CBR4: variants seen among roughly 807,000 people sequenced by gnomAD.
CBR4 encodes carbonyl reductase 4.
CBR4 carries 22 observed loss-of-function variants against 21.0 expected under a neutral mutation model. The observed-to-expected ratio is 1.05, with a 90% CI of 0.75 to 1.50. The LOEUF (loss-of-function observed/expected upper bound fraction) is 1.50, where lower values mean the gene tolerates loss of function less well. CBR4 is among the 40% of genes most tolerant of loss of function. The pLI, the probability that CBR4 is intolerant of heterozygous loss-of-function variation, is 0.00. For synonymous variants in CBR4, 100 were observed against 104.4 expected (o/e 0.96, Z 0.26); for missense variants, 302 against 286.3 (o/e 1.05, Z -0.40).
intron 2 of CBR4, among the ~76,000 whole-genome samples, chr4:168,901,827 T>C (rs2151291530): frequency 6.6e-6 from 1 of 152,288 alleles, no homozygotes; most frequent in East Asian, 1.9e-4. Context: ...CACTGCACTC[T>C]CTAGCCTGGG....
chr4:168,950,178 T>C (rs1290160909), intron 2 of CBR4, among the ~76,000 whole-genome samples: 1 of 152,170 alleles, frequency 6.6e-6, no homozygotes, highest in Non-Finnish European at 1.5e-5. Context: ...GTTTGGTTTG[T>C]TCTTCTTTCT....
chr4:169,006,837 A>G lies in CBR4; in HGVS notation c.318T>C (p.Thr106=). Reference sequence around the variant, plus strand: ...AGGTCAGCATGGAACCCAAGAGGTTAGTATGAAGCTGAGATACCATATCTT... The same window carrying G: ...AGGTCAGCATGGAACCCAAGAGGTTGGTATGAAGCTGAGATACCATATCTT... ...KTEDMVSQLH[T]NLLGSMLTCK... is the part of the protein sequence containing the mutation. Residue 106 remains threonine, a synonymous_variant, in exon 3 of 5, where the codon ACT becomes ACC. Coordinates refer to ENST00000306193, the MANE Select transcript of CBR4 (RefSeq NM_032783.5). The G allele has an allele frequency of 6.2e-7, 1 of 1,613,140 alleles. No homozygotes were observed. The highest frequency in any genetic ancestry group is 8.5e-7 in the Non-Finnish European group (1 of 1,179,040).
chr4:168,985,102 T>C (rs1764647518), downstream of CBR4, among the ~76,000 whole-genome samples: 1 of 151,650 alleles, frequency 6.6e-6, no homozygotes, highest in South Asian at 2.1e-4. Flanking sequence ...ATCAACAGAG[T>C]AAACAGACAA....
downstream of CBR4, among the ~76,000 whole-genome samples, chr4:168,986,552 T>A (rs1764697623): frequency 1.3e-5 from 2 of 152,156 alleles, no homozygotes; most frequent in South Asian, 4.1e-4. Context: ...TTTTTTGTTG[T>A]TTTTTTGTCA....
intron 2 of CBR4, among the ~76,000 whole-genome samples, chr4:168,916,968 C>G (rs1265825679): frequency 6.6e-6 from 1 of 151,606 alleles, no homozygotes; most frequent in Non-Finnish European, 1.5e-5. Flanking sequence ...AGTGCCCCGC[C>G]CCCATTTTCT....
chr4:168,980,722 C>A (rs1366216397), intron 2 of CBR4, among the ~76,000 whole-genome samples: 1 of 152,160 alleles, frequency 6.6e-6, no homozygotes, highest in African/African-American at 2.4e-5. Context: ...AGCAACAGAG[C>A]AAGACTCTAT....
chr4:168,930,277 G>C (rs1407107237), intron 2 of CBR4, among the ~76,000 whole-genome samples: 2 of 151,866 alleles, frequency 1.3e-5, no homozygotes, highest in Non-Finnish European at 2.9e-5. Flanking sequence ...TTTACCAGAG[G>C]GTCAAAAAGG....
Position 169,007,624 on chromosome 4 carries a change from T to C in CBR4, c.263+12A>G, listed in dbSNP as rs201896732. On this transcript the variant is annotated intron_variant, in intron 2 of 4. Coordinates refer to ENST00000306193, the MANE Select transcript of CBR4 (RefSeq NM_032783.5). ...TATATATATAAGAAACTTATTTAAATCTGTGACCAACCTGTTAATACCAGC... is the reference window on the plus strand; with the variant it reads ...TATATATATAAGAAACTTATTTAAACCTGTGACCAACCTGTTAATACCAGC... 182 of 1,511,638 alleles carry C rather than the reference T, an allele frequency of 1.2e-4. No homozygotes were observed. Among genetic ancestry groups the C allele is most frequent in the Admixed American group, 4.0e-4 (17 of 42,344 alleles). 93.6% of individuals were successfully genotyped at this position (1,511,638 alleles called of 1,614,324 possible).
At chr4:168,951,687 G>T in intron 2 of CBR4, among the ~76,000 whole-genome samples, 1 of 152,168 alleles carries the variant, frequency 6.6e-6, no homozygotes, top group East Asian at 1.9e-4. Flanking sequence ...AGTTTCACTG[G>T]ATACAAAATT....
chr4:168,897,965 AT>A (rs146746895), intron 2 of CBR4: 19,138 of 146,878 alleles, frequency 0.13, 1,323 homozygotes, highest in Middle Eastern at 0.22. Flanking sequence ...AAAAACAAAC[AT>A]TTTTTTTTTT....
Position 168,988,507 on chromosome 4 carries a change from G to A in CBR4, c.*1643C>T. 1.0e-6 allele frequency: 1 copy of A among 985,346 alleles called. No homozygotes were observed. Among genetic ancestry groups the A allele is most frequent in the East Asian group, 1.1e-4 (1 of 8,810 alleles). The allele number at this position is 985,346 out of a possible 1,614,324, so 61.0% of individuals were successfully genotyped here. On this transcript the variant is annotated 3_prime_UTR_variant, in exon 5 of 5. Coordinates refer to ENST00000306193, the MANE Select transcript of CBR4 (RefSeq NM_032783.5). ...AATGGGGAAGTACAGGTAGCCAAAG[G>A]CCAGCAATTGAGACAGCATTAGAGA... is the stretch of plus-strand genomic sequence containing the variant.
At chr4:168,896,675 T>C in intron 2 of CBR4, 1 of 804,752 alleles carries the variant, frequency 1.2e-6, no homozygotes, top group South Asian at 1.6e-5. Context: ...GTTTTACGTG[T>C]GTTTCTATCT....
chr4:168,903,990 G>A lies in CBR4; in HGVS notation n.170-9225C>T. 2.4e-6 allele frequency: 3 copies of A among 1,266,678 alleles called. No homozygotes were observed. In the South Asian group the frequency reaches 3.6e-5, roughly 15 times the overall value. 78.5% of individuals were successfully genotyped at this position (1,266,678 alleles called of 1,614,324 possible). ...TAGACAAAGGAACTATTTAAAAGGT[G>A]AAGTTAAGAAGTTTCTTTGATTTAT... On this transcript the variant is annotated intron_variant and non_coding_transcript_variant, in intron 2 of 3. Transcript: ENST00000509108.
chr4:168,925,837 C>T (rs1052391853), intron 2 of CBR4, among the ~76,000 whole-genome samples: 1 of 152,108 alleles, frequency 6.6e-6, no homozygotes, highest in African/African-American at 2.4e-5. Flanking sequence ...TTAAAGCATC[C>T]ACATCCAGCA....
intron 2 of CBR4, chr4:168,916,119 G>A: frequency 7.8e-7 from 1 of 1,279,846 alleles, no homozygotes; most frequent in Non-Finnish European, 1.1e-6. Flanking sequence ...ATTACATAAA[G>A]TATAAAATGA....
At chr4:169,006,272 G>A (rs577887696) in intron 3 of CBR4, among the ~76,000 whole-genome samples, 8 of 152,066 alleles carry the variant, frequency 5.3e-5, no homozygotes, top group African/African-American at 1.7e-4. Flanking sequence ...CCAGCACTTC[G>A]GGAGGATCAC....
At chr4:169,007,881 G>C (rs1454220697) in intron 1 of CBR4, 125 bp from the exon 2 acceptor site, 4 of 578,186 alleles carry the variant, frequency 6.9e-6, no homozygotes, top group Non-Finnish European at 1.1e-5. Flanking sequence ...GATTAAAAAA[G>C]TAATGTCATG....
intron 2 of CBR4, among the ~76,000 whole-genome samples, chr4:168,946,878 C>T (rs1763408707): frequency 1.3e-5 from 2 of 152,170 alleles, no homozygotes; most frequent in Non-Finnish European, 2.9e-5. Flanking sequence ...TGTCCACATA[C>T]ACCATCCCAC....
At chr4:168,899,659 G>A (rs893955886) in intron 2 of CBR4, among the ~76,000 whole-genome samples, 2 of 152,188 alleles carry the variant, frequency 1.3e-5, no homozygotes, top group Non-Finnish European at 2.9e-5. Flanking sequence ...GCTCACGCCT[G>A]TAATCCCAGC....
Sources: allele counts gnomAD v4.1 joint callset (sites outside exome capture counted in the v4.1 genomes callset), GRCh38; gene constraint gnomAD v4.1.1; transcripts MANE v1.5; gene names NCBI Gene and HGNC (gene_info 2026-07-23, HGNC 2026-07-21).